Variants in DOCK11 observed in about 807,000 individuals in gnomAD.
DOCK11 encodes the protein dedicator of cytokinesis protein 11.
A neutral mutation model predicts 169.1 loss-of-function variants in DOCK11; 70 were observed. That is an observed-to-expected ratio of 0.41 (90% confidence interval 0.34 to 0.51). DOCK11 has a LOEUF of 0.51. Ranked by LOEUF, DOCK11 falls within the 20% of genes least tolerant of loss-of-function variation. The pLI, the probability that DOCK11 is intolerant of heterozygous loss-of-function variation, is 0.10. For synonymous variants in DOCK11, 529 were observed against 541.3 expected, an observed-to-expected ratio of 0.98 and a Z score of 0.32; for missense variants, 1,166 against 1,538.8, an observed-to-expected ratio of 0.76 and a Z score of 4.05.
chrX:118,503,091 G>A (rs867051229), intron 1 of DOCK11, among the ~76,000 whole-genome samples: 1 of 34,814 alleles, frequency 2.9e-5, no homozygotes, highest in Non-Finnish European at 5.7e-5. Flanking sequence ...TTTTTTTTTT[G>A]AAATGGAGTT....
intron 7 of DOCK11, among the ~76,000 whole-genome samples, 156 bp downstream of exon 7, chrX:118,561,673 C>T (rs1255842763): frequency 1.8e-5 from 2 of 108,952 alleles, no homozygotes; most frequent in Non-Finnish European, 3.8e-5. Flanking sequence ...GTACATCAGC[C>T]TGGGCAACAA....
chrX:118,684,991 G>A (rs949161284), intron 52 of DOCK11, among the ~76,000 whole-genome samples: 3 of 111,578 alleles, frequency 2.7e-5, no homozygotes, highest in Non-Finnish European at 3.8e-5. Context: ...TGGATATAAT[G>A]TATATAGCGT....
chrX:118,622,780 G>A (rs1386194399), intron 31 of DOCK11, among the ~76,000 whole-genome samples: 2 of 111,799 alleles, frequency 1.8e-5, no homozygotes, highest in Non-Finnish European at 3.8e-5. Flanking sequence ...GTCTCTAACT[G>A]CAAAATCTGT....
chrX:118,579,623 C>T (rs768961897), intron 13 of DOCK11, among the ~76,000 whole-genome samples: 6 of 111,922 alleles, frequency 5.4e-5, no homozygotes, highest in Non-Finnish European at 1.1e-4. Context: ...AGTTTATCTC[C>T]TTGTCATCTC....
intron 1 of DOCK11, among the ~76,000 whole-genome samples, chrX:118,526,496 C>T (rs147049193): frequency 1.4e-3 from 154 of 112,108 alleles, no homozygotes; most frequent in Non-Finnish European, 2.2e-3. Context: ...TGCTTACAGT[C>T]TGAACGTGAG....
intron 14 of DOCK11, among the ~76,000 whole-genome samples, chrX:118,583,136 G>A (rs1289320795): frequency 9.0e-6 from 1 of 111,561 alleles, no homozygotes; most frequent in Non-Finnish European, 1.9e-5. Flanking sequence ...CAGGGACATG[G>A]ATGAAGCTAG....
At chrX:118,684,800 A>G (rs986871710) in intron 52 of DOCK11, among the ~76,000 whole-genome samples, 15 of 111,451 alleles carry the variant, frequency 1.3e-4, no homozygotes, top group African/African-American at 4.9e-4. Context: ...TATTTTTGTA[A>G]GAGGAAATTT....
intron 9 of DOCK11, among the ~76,000 whole-genome samples, chrX:118,566,986 C>T (rs973711261): frequency 1.8e-5 from 2 of 112,157 alleles, no homozygotes; most frequent in African/African-American, 6.5e-5. Context: ...GATAATGATG[C>T]AGCTCATGCA....
intron 14 of DOCK11, among the ~76,000 whole-genome samples, chrX:118,583,895 A>G (rs2013733819): frequency 8.9e-6 from 1 of 111,935 alleles, no homozygotes; most frequent in African/African-American, 3.3e-5. Context: ...TAATGACAAG[A>G]AAGTCTATTT....
chrX:118,647,139 A>ATG (rs200211345), intron 40 of DOCK11, among the ~76,000 whole-genome samples: 2,581 of 85,434 alleles, frequency 0.03, 43 homozygotes, highest in Non-Finnish European at 0.042. Context: ...TGAAGAGGAT[A>ATG]TGTGTGTGTG....
chrX:118,538,961 G>A (rs1293609026), intron 1 of DOCK11, among the ~76,000 whole-genome samples: 1 of 111,832 alleles, frequency 8.9e-6, no homozygotes, highest in Non-Finnish European at 1.9e-5. Flanking sequence ...TGTCTCTGAT[G>A]CCTGCAGAGT....
chrX:118,646,053 C>CAA (rs754457760), intron 40 of DOCK11, among the ~76,000 whole-genome samples: 461 of 37,524 alleles, frequency 0.012, 9 homozygotes, highest in African/African-American at 0.031. Flanking sequence ...GAGACTTCGT[C>CAA]AAAAAAAAAA....
chrX:118,647,678 A>T (rs1482152218), intron 40 of DOCK11, among the ~76,000 whole-genome samples: 3 of 51,638 alleles, frequency 5.8e-5, no homozygotes, highest in Non-Finnish European at 1.0e-4. Flanking sequence ...TAATTATTAT[A>T]TAATATTATA....
chrX:118,557,488 G>T (rs1159933240), intron 6 of DOCK11, among the ~76,000 whole-genome samples: 2 of 110,964 alleles, frequency 1.8e-5, no homozygotes, highest in Non-Finnish European at 3.8e-5. Context: ...TCCAAGGAAG[G>T]CCGGGCGCGG....
chrX:118,678,380 A>C (rs1375123283), intron 48 of DOCK11, among the ~76,000 whole-genome samples: 1 of 112,496 alleles, frequency 8.9e-6, no homozygotes, highest in East Asian at 2.8e-4. Flanking sequence ...TACCCATATA[A>C]TGGATATAAC....
At chrX:118,527,406 A>G (rs755781829) in intron 1 of DOCK11, among the ~76,000 whole-genome samples, 1 of 112,095 alleles carries the variant, frequency 8.9e-6, no homozygotes, top group Non-Finnish European at 1.9e-5. Context: ...TTTTGGAGCA[A>G]CAAATATTTG....
intron 4 of DOCK11, among the ~76,000 whole-genome samples, chrX:118,544,691 G>C (rs1438995988): frequency 1.8e-5 from 1 of 54,969 alleles, no homozygotes; most frequent in Non-Finnish European, 3.1e-5. Context: ...ACAGAGTTTC[G>C]CTCTTGTCAC....
intron 14 of DOCK11, 33 bp downstream of exon 14, chrX:118,580,212 C>G: frequency 8.8e-7 from 1 of 1,134,564 alleles, no homozygotes; most frequent in South Asian, 2.0e-5. Context: ...CCCGCTCACT[C>G]GTGTTCATAT....
At chrX:118,504,945 T>A (rs2057601120) in intron 1 of DOCK11, among the ~76,000 whole-genome samples, 1 of 112,793 alleles carries the variant, frequency 8.9e-6, no homozygotes, top group Non-Finnish European at 1.9e-5. Flanking sequence ...CAGCCCTAGA[T>A]GACCTTGGGC....
Sources: gnomAD v4.1 joint callset for allele counts (sites outside exome capture counted in the v4.1 genomes callset) on GRCh38, gnomAD v4.1.1 for gene constraint, MANE v1.5 for transcripts, NCBI Gene and HGNC (gene_info 2026-07-23, HGNC 2026-07-21) for gene names.